The following BCAS3 variants were observed in gnomAD, a reference collection of about 807,000 sequenced individuals.
BCAS3 encodes the protein BCAS4/BCAS3 fusion.
A neutral mutation model predicts 116.1 loss-of-function variants in BCAS3; 53 were observed. The observed-to-expected ratio is 0.46, with a 90% CI of 0.37 to 0.57. The LOEUF (loss-of-function observed/expected upper bound fraction) is 0.57. Ranked by LOEUF, BCAS3 falls within the 20% of genes least tolerant of loss-of-function variation. The pLI is 0.00. For missense variants in BCAS3, 917 were observed against 1,165.4 expected (o/e 0.79, Z 3.10); for synonymous variants, 391 against 408.2 (o/e 0.96, Z 0.51).
At chr17:61,048,746 A>G (rs970557503) in intron 19 of BCAS3, among the ~76,000 whole-genome samples, 2 of 151,942 alleles carry the variant, frequency 1.3e-5, no homozygotes, top group Admixed American at 6.6e-5. Flanking sequence ...CAGAGAAAAA[A>G]TGCTGAAGAC....
At chr17:61,295,258 C>T (rs1760908456) in intron 22 of BCAS3, among the ~76,000 whole-genome samples, 1 of 152,200 alleles carries the variant, frequency 6.6e-6, no homozygotes, top group African/African-American at 2.4e-5. Flanking sequence ...GGAGCCTGGG[C>T]AGCAACGCTT....
intron 4 of BCAS3, among the ~76,000 whole-genome samples, chr17:60,693,971 C>T (rs1204040161): frequency 6.7e-6 from 1 of 149,366 alleles, no homozygotes; most frequent in Non-Finnish European, 1.5e-5. Context: ...CTGCAAGCTC[C>T]ACCTCCTGGG....
intron 6 of BCAS3, among the ~76,000 whole-genome samples, chr17:60,789,565 A>G (rs1057341950): frequency 6.6e-6 from 1 of 152,140 alleles, no homozygotes; most frequent in African/African-American, 2.4e-5. Flanking sequence ...TTGCAACAGG[A>G]TTGCAATAGT....
rs542420044 is a variant in BCAS3 at position 61,251,318 on chromosome 17, C to T, written c.2426-117009C>T. On this transcript the variant is annotated intron_variant, in intron 22 of 23. Coordinates refer to ENST00000407086, the MANE Select transcript of BCAS3 (RefSeq NM_017679.5). This position sits in a 1 kb window ranked among gnomAD's most constrained non-coding sequence, Gnocchi z 4.7. ...GGTGTGGTGGCTCATGCCTGTAATC[C>T]CAGCACTCTGGGAGGCTGAGGCGGG... Among the ~76,000 whole-genome samples the T allele has an allele frequency of 2.2e-4, 34 of 152,266 alleles. No homozygotes were observed. Among genetic ancestry groups the T allele is most frequent in the African/African-American group, 7.9e-4 (33 of 41,542 alleles).
chr17:61,333,065 T>G lies in BCAS3; in HGVS notation c.2426-35262T>G, dbSNP rs981686619. On this transcript the variant is annotated intron_variant, in intron 22 of 23. Coordinates refer to ENST00000407086, the MANE Select transcript of BCAS3 (RefSeq NM_017679.5). This position sits in a 1 kb window ranked among gnomAD's most constrained non-coding sequence, Gnocchi z 4.8. ...TCCCTAAACCTACACTGCTGCAGCC[T>G]GGAGGTTCCACAAGCCCTTTCTCAT... 2.6e-5 allele frequency among the ~76,000 whole-genome samples: 4 copies of G among 152,230 alleles called. No individual in the cohort carries two copies. Among genetic ancestry groups the G allele is most frequent in the African/African-American group, 9.6e-5 (4 of 41,454 alleles).
At chr17:60,693,897 T>G (rs2035216019) in intron 4 of BCAS3, among the ~76,000 whole-genome samples, 1 of 148,266 alleles carries the variant, frequency 6.7e-6, no homozygotes. Flanking sequence ...TTTTTTTTTT[T>G]TTTTTTGAGA....
chr17:60,689,699 C>T lies in BCAS3; in HGVS notation c.152C>T (p.Thr51Ile), dbSNP rs754879954. The change falls in exon 4 of 24, where the codon ACA becomes ATA. Residue 51 changes from threonine to isoleucine, a missense_variant. By Grantham distance (89) the Thr-to-Ile change is moderately conservative (BLOSUM62 -1). Coordinates refer to ENST00000407086, the MANE Select transcript of BCAS3 (RefSeq NM_017679.5). ...QDVVPQAYSGTPLTEEKEKIV... is the reference protein window; with the variant it reads ...QDVVPQAYSGIPLTEEKEKIV... ...TTTACTATGCAGGCTTACAGTGGAACACCTCTAACAGAAGAAAAGGAGAAA... is the reference window on the plus strand; with the variant it reads ...TTTACTATGCAGGCTTACAGTGGAATACCTCTAACAGAAGAAAAGGAGAAA... 19 of 1,603,016 alleles carry T rather than the reference C, an allele frequency of 1.2e-5. No homozygotes were observed. The Admixed American group carries it at 1.5e-4, about 13-fold the overall frequency.
At chr17:60,728,714 A>T (rs1206031443) in intron 5 of BCAS3, among the ~76,000 whole-genome samples, 2 of 152,080 alleles carry the variant, frequency 1.3e-5, no homozygotes, top group African/African-American at 4.8e-5. Context: ...TCCTGACCTC[A>T]AGCAATCTAC....
Position 61,122,815 on chromosome 17 carries a change from T to G in BCAS3, c.2425+38251T>G, listed in dbSNP as rs993427426. ...TTAGCATCTGTTGTCAATACAGCAA[T>G]GTAAGCTGATGGCTATTGGAATTCA... On this transcript the variant is annotated intron_variant, in intron 22 of 23. Transcript: ENST00000407086. The surrounding 1 kb of genome is among the most constrained non-coding windows in gnomAD (Gnocchi z 4.6). Among the ~76,000 whole-genome samples, 1 of 152,228 alleles carries G rather than the reference T, an allele frequency of 6.6e-6. No homozygotes were observed. Among genetic ancestry groups the G allele is most frequent in the Non-Finnish European group, 1.5e-5 (1 of 68,042 alleles).
chr17:60,876,257 A>T (rs1032705433), intron 9 of BCAS3, among the ~76,000 whole-genome samples: 1 of 152,024 alleles, frequency 6.6e-6, no homozygotes, highest in Non-Finnish European at 1.5e-5. Context: ...CTTTTCTACA[A>T]CTTAATTTTC....
chr17:61,331,825 G>A (rs1235722908), intron 22 of BCAS3, among the ~76,000 whole-genome samples: 1 of 152,116 alleles, frequency 6.6e-6, no homozygotes, highest in Admixed American at 6.6e-5. Flanking sequence ...TACTCAGCAC[G>A]TGGCAGGTGT....
Position 61,140,404 on chromosome 17 carries a change from A to T in BCAS3, c.2425+55840A>T, listed in dbSNP as rs146026508. Among the ~76,000 whole-genome samples, 12 of 152,318 alleles carry T rather than the reference A, an allele frequency of 7.9e-5. No homozygotes were observed. Among genetic ancestry groups the T allele is most frequent in the African/African-American group, 2.9e-4 (12 of 41,578 alleles). ...TCTGAAAGTAGAGTGCTGGTGGGAG[A>T]TGTGGAACAGGGGACAAGAGATGGA... On this transcript the variant is annotated intron_variant, in intron 22 of 23. Coordinates refer to ENST00000407086, the MANE Select transcript of BCAS3 (RefSeq NM_017679.5). This position sits in a 1 kb window ranked among gnomAD's most constrained non-coding sequence, Gnocchi z 4.2.
At chr17:61,201,781 C>T (rs1408160668) in intron 22 of BCAS3, among the ~76,000 whole-genome samples, 1 of 136,014 alleles carries the variant, frequency 7.4e-6, no homozygotes, top group Non-Finnish European at 1.6e-5. Context: ...TTTTTTGAGA[C>T]AGGGTCTCGC....
rs942469395 is a variant in BCAS3, at chr17:61,037,865, C to T, written c.1763-24C>T. 24 of 1,605,978 alleles carry T rather than the reference C, an allele frequency of 1.5e-5. No homozygotes were observed. The highest frequency in any genetic ancestry group is 4.0e-5 in the African/African-American group (3 of 74,692). ...CTCCATTTATGCCATCATAACACAT[C>T]GGGTTCTGTTTCTCTGTTTGTAGAT... On this transcript the variant is annotated intron_variant, in intron 17 of 23. Transcript: ENST00000407086. The surrounding 1 kb of genome is among the most constrained non-coding windows in gnomAD (Gnocchi z 4.7).
chr17:60,794,790 G>C (rs1440523606), intron 6 of BCAS3, among the ~76,000 whole-genome samples: 2 of 152,190 alleles, frequency 1.3e-5, no homozygotes, highest in Non-Finnish European at 2.9e-5. Context: ...GTACCACACT[G>C]TTTTGGTGAC....
intron 7 of BCAS3, among the ~76,000 whole-genome samples, chr17:60,849,278 G>C (rs1033683849): frequency 6.7e-6 from 1 of 150,208 alleles, no homozygotes; most frequent in Non-Finnish European, 1.5e-5. Context: ...TCTGTGTTCA[G>C]TTCTTTTTTT....
At chr17:60,726,245 G>A (rs2039840435) in intron 5 of BCAS3, among the ~76,000 whole-genome samples, 3 of 139,116 alleles carry the variant, frequency 2.2e-5, no homozygotes, top group Non-Finnish European at 4.6e-5. Flanking sequence ...CTGTTGCCCA[G>A]GCTGGAGTGC....
rs1305595452 is a variant in BCAS3 at position 60,960,191 on chromosome 17, T to G, written c.1221+12839T>G. 6.6e-6 allele frequency among the ~76,000 whole-genome samples: 1 copy of G among 152,190 alleles called. No homozygotes were observed. The highest frequency in any genetic ancestry group is 2.4e-5 in the African/African-American group (1 of 41,442). On this transcript the variant is annotated intron_variant, in intron 14 of 23. Coordinates refer to ENST00000407086, the MANE Select transcript of BCAS3 (RefSeq NM_017679.5). The surrounding 1 kb of genome is among the most constrained non-coding windows in gnomAD (Gnocchi z 4.1). ...CATGTTCATGCCATATGCTAAGTATTACCTCTTTTCCCTACCAACATCCCC... is the reference window on the plus strand; with the variant it reads ...CATGTTCATGCCATATGCTAAGTATGACCTCTTTTCCCTACCAACATCCCC...
At chr17:60,890,580 C>T (rs376978609) in intron 10 of BCAS3, among the ~76,000 whole-genome samples, 21 of 152,004 alleles carry the variant, frequency 1.4e-4, no homozygotes, top group African/African-American at 3.1e-4. Context: ...TTGACTTCTT[C>T]GGTTATTTAT....
Sources: gnomAD v4.1 joint callset for allele counts (sites outside exome capture counted in the v4.1 genomes callset) on GRCh38, gnomAD v4.1.1 for gene constraint, Gnocchi (gnomAD v3.1) non-coding constraint, MANE v1.5 for transcripts, NCBI Gene and HGNC (gene_info 2026-07-23, HGNC 2026-07-21) for gene names.